Variants in GOLGA5 observed in about 807,000 individuals in gnomAD.
GOLGA5 encodes golgin A5.
A neutral mutation model predicts 93.5 loss-of-function variants in GOLGA5; 50 were observed. The observed-to-expected ratio is 0.53, with a 90% CI of 0.43 to 0.68. GOLGA5 has a LOEUF of 0.68. GOLGA5 is among the 30% of genes least tolerant of loss of function. The pLI, the probability that GOLGA5 is intolerant of heterozygous loss-of-function variation, is 0.00. For missense variants in GOLGA5, 760 were observed against 856.4 expected, an observed-to-expected ratio of 0.89 and a Z score of 1.40; for synonymous variants, 312 against 304.5, an observed-to-expected ratio of 1.02 and a Z score of -0.26.
chr14:92,835,410 CCTTT>C (rs1421964868), intron 10 of GOLGA5, 145 bp from the exon 11 acceptor site: 16 of 470,756 alleles, frequency 3.4e-5, no homozygotes, highest in Admixed American at 7.0e-5. Flanking sequence ...ATTTACCTGT[CCTTT>C]CTTTATAGTT....
At chr14:92,812,351 C>T (rs940746960) in intron 6 of GOLGA5, among the ~76,000 whole-genome samples, 7 of 152,170 alleles carry the variant, frequency 4.6e-5, no homozygotes, top group African/African-American at 1.4e-4. Context: ...GTGTGTGCCT[C>T]TCTGCTGCTG....
intron 7 of GOLGA5, among the ~76,000 whole-genome samples, chr14:92,817,236 C>T (rs1228685222): frequency 2.6e-5 from 4 of 152,140 alleles, no homozygotes; most frequent in Non-Finnish European, 5.9e-5. Context: ...CCACCATGCC[C>T]GACCAGGTTT....
Position 92,839,519 on chromosome 14 carries a change from A to C in GOLGA5, c.*73A>C. 1.1e-6 allele frequency: 1 copy of C among 936,494 alleles called. No individual in the cohort carries two copies. Among genetic ancestry groups the C allele is most frequent in the Admixed American group, 1.8e-5 (1 of 56,906 alleles). 58.0% of individuals were successfully genotyped at this position (936,494 alleles called of 1,614,324 possible). On this transcript the variant is annotated 3_prime_UTR_variant, in exon 13 of 13. Transcript: ENST00000163416. ...GATCTGCAAGAAGGCCAATTGCCTA[A>C]AATTTCTGAGAACAGTGCACAAGAT...
chr14:92,830,156 T>C (rs1885500292), intron 9 of GOLGA5, among the ~76,000 whole-genome samples: 1 of 152,154 alleles, frequency 6.6e-6, no homozygotes, highest in Non-Finnish European at 1.5e-5. Flanking sequence ...CCGTCTCTAC[T>C]AAAAATACAA....
chr14:92,820,939 A>G (rs1885306330), intron 8 of GOLGA5, among the ~76,000 whole-genome samples: 1 of 152,148 alleles, frequency 6.6e-6, no homozygotes, highest in Non-Finnish European at 1.5e-5. Context: ...TTTTCTACAT[A>G]GACACAGTGA....
intron 7 of GOLGA5, among the ~76,000 whole-genome samples, chr14:92,817,221 G>A (rs118054579): frequency 0.072 from 11,002 of 152,194 alleles, 567 homozygotes; most frequent in South Asian, 0.19. Flanking sequence ...GATTAGAGAC[G>A]TGAGCCACCA....
In GOLGA5 at chr14:92,809,519, G is replaced by A. The variant is rs752115335; in HGVS notation, c.992G>A (p.Arg331Gln). ...GAAGCCTTACAGAGTGAAAAATCAC[G>A]GTAGGTGATTCTATGAATAATGAAA... ...ALEALQSEKS[R>Q]IMQDQSEGNS... The change falls in exon 4 of 13, where the codon CGA becomes CAA. Residue 331 changes from arginine (R) to glutamine (Q), a missense_variant and splice_region_variant. Arg to Gln is a conservative substitution (Grantham distance 43). Coordinates refer to ENST00000163416, the MANE Select transcript of GOLGA5 (RefSeq NM_005113.4). The A allele has an allele frequency of 3.1e-5, 48 of 1,568,940 alleles. No individual in the cohort carries two copies. The highest frequency in any genetic ancestry group is 3.9e-5 in the Non-Finnish European group (45 of 1,139,638).
chr14:92,814,427 ACTAGGAGGTC>A (rs1251501940), intron 6 of GOLGA5, among the ~76,000 whole-genome samples: 1 of 152,172 alleles, frequency 6.6e-6, no homozygotes, highest in Non-Finnish European at 1.5e-5. Context: ...GGACTTGGCA[ACTAGGAGGTC>A]CCTGGGGACC....
In GOLGA5 at chr14:92,831,313, T is replaced by C. The variant is rs78335888; in HGVS notation, c.1720-1809T>C. ...GACTTGTACATGAATATTTGTAACA[T>C]GCTTGTTCATAAATAGCCCAAATTG... On this transcript the variant is annotated intron_variant, in intron 9 of 12. Coordinates refer to ENST00000163416, the MANE Select transcript of GOLGA5 (RefSeq NM_005113.4). 7.0e-3 allele frequency among the ~76,000 whole-genome samples: 1,072 copies of C among 152,330 alleles called. 14 individuals carry two copies. The highest frequency in any genetic ancestry group is 0.025 in the African/African-American group (1,042 of 41,564).
intron 9 of GOLGA5, among the ~76,000 whole-genome samples, chr14:92,825,748 T>G (rs548531941): frequency 1.3e-5 from 2 of 150,728 alleles, no homozygotes; most frequent in Admixed American, 1.3e-4. Context: ...TTCTAGCTAC[T>G]CAGAGGCTGA....
At chr14:92,807,075 G>T in intron 3 of GOLGA5, 112 bp downstream of exon 3, 1 of 686,640 alleles carries the variant, frequency 1.5e-6, no homozygotes, top group Non-Finnish European at 2.5e-6. Flanking sequence ...CGAGGCGGGC[G>T]GATTGCCTGA....
chr14:92,797,906 A>G lies in GOLGA5; in HGVS notation c.469A>G (p.Ser157Gly), dbSNP rs35729851. 57 of 1,612,784 alleles carry G rather than the reference A, an allele frequency of 3.5e-5. No individual in the cohort carries two copies. In the African/African-American group the frequency reaches 4.4e-4, roughly 12 times the overall value. ...TPVFQSSQTS[S>G]VSSVNPSVTT... ...TGTCTTTCAGAGCTCTCAGACATCA[A>G]GTGTCAGTTCTGTGAACCCCAGTGT... The change falls in exon 2 of 13, where the codon AGT becomes GGT. Residue 157 changes from serine to glycine, a missense_variant. Physicochemically the swap from Ser to Gly is moderately conservative, Grantham distance 56. Transcript: ENST00000163416.
chr14:92,800,534 TA>T (rs1884848277), intron 2 of GOLGA5, among the ~76,000 whole-genome samples: 3 of 152,382 alleles, frequency 2.0e-5, no homozygotes, highest in African/African-American at 7.2e-5. Context: ...TCATACTGTT[TA>T]TGCAATTAAA....
At chr14:92,832,373 G>T (rs1343604866) in intron 9 of GOLGA5, among the ~76,000 whole-genome samples, 1 of 152,188 alleles carries the variant, frequency 6.6e-6, no homozygotes, top group African/African-American at 2.4e-5. Flanking sequence ...AAGAGAAGGG[G>T]ATTGAGTTTC....
intron 5 of GOLGA5, among the ~76,000 whole-genome samples, chr14:92,810,931 G>A (rs1377892200): frequency 2.6e-5 from 4 of 152,242 alleles, no homozygotes; most frequent in Non-Finnish European, 5.9e-5. Context: ...GTTCACAGGT[G>A]TATCTAATGA....
intron 9 of GOLGA5, among the ~76,000 whole-genome samples, chr14:92,828,365 G>C (rs1377779197): frequency 6.6e-6 from 1 of 152,282 alleles, no homozygotes; most frequent in East Asian, 1.9e-4. Flanking sequence ...TCTGTAAAGG[G>C]AACAACAAAG....
rs760147246 is a variant in GOLGA5 at position 92,797,515 on chromosome 14, CAGT to C, written c.81_83del (p.Ser27del). Reference sequence around the variant, plus strand: ...TTGATCAAGGGGCTGCAACAGCTCTCAGTAGGAAAGACAATGCCAGCAACATAT... The same window carrying C: ...TTGATCAAGGGGCTGCAACAGCTCTCAGGAAAGACAATGCCAGCAACATAT... On this transcript the variant is annotated inframe_deletion, in exon 2 of 13. Transcript: ENST00000163416. The C allele has an allele frequency of 1.7e-5, 27 of 1,613,058 alleles. No homozygotes were observed. The South Asian group carries it at 2.7e-4, about 16-fold the overall frequency.
chr14:92,838,029 A>G (rs528791355), intron 12 of GOLGA5, among the ~76,000 whole-genome samples: 3 of 152,360 alleles, frequency 2.0e-5, no homozygotes, highest in East Asian at 3.9e-4. Context: ...AAGCCCTTCT[A>G]ATGATAAAAA....
intron 2 of GOLGA5, among the ~76,000 whole-genome samples, chr14:92,801,735 C>CTTTTTTTT (rs11388778): frequency 1.4e-5 from 2 of 143,256 alleles, no homozygotes; most frequent in Non-Finnish European, 1.5e-5. Context: ...TTCCCTTTTT[C>CTTTTTTTT]TTTTTTTTTT....
Sources: allele counts gnomAD v4.1 joint callset (sites outside exome capture counted in the v4.1 genomes callset), GRCh38; gene constraint gnomAD v4.1.1; transcripts MANE v1.5; gene names NCBI Gene and HGNC (gene_info 2026-07-23, HGNC 2026-07-21).